Variants in PPP1R36 observed in about 807,000 individuals in gnomAD.
The protein encoded by PPP1R36 is protein phosphatase 1 regulatory subunit 36.
Under a neutral mutation model 53.4 loss-of-function variants are expected in PPP1R36, and 47 were observed. The observed-to-expected ratio is 0.88, with a 90% CI of 0.70 to 1.12. PPP1R36 has a LOEUF of 1.12. PPP1R36 is among the 50% of genes most tolerant of loss of function. PPP1R36 has a pLI of 0.00. For synonymous variants in PPP1R36, 153 were observed against 170.5 expected (o/e 0.90, Z 0.80); for missense variants, 456 against 513.9 (o/e 0.89, Z 1.09).
At chr14:64,560,199 G>C (rs1486721373) in intron 3 of PPP1R36, among the ~76,000 whole-genome samples, 1 of 150,068 alleles carries the variant, frequency 6.7e-6, no homozygotes, top group Non-Finnish European at 1.5e-5. Flanking sequence ...CCAGCGCTTT[G>C]GGAGACTGAG....
chr14:64,556,855 C>T (rs946441224), intron 3 of PPP1R36, among the ~76,000 whole-genome samples: 7 of 151,562 alleles, frequency 4.6e-5, no homozygotes, highest in African/African-American at 1.5e-4. Flanking sequence ...CACTTTGTCA[C>T]CTAGGCTGGA....
chr14:64,562,800 G>T (rs1433461375), intron 3 of PPP1R36, among the ~76,000 whole-genome samples: 1 of 151,982 alleles, frequency 6.6e-6, no homozygotes, highest in Non-Finnish European at 1.5e-5. Flanking sequence ...TATACTAGAT[G>T]ATATTTTTTT....
intron 3 of PPP1R36, 28 bp downstream of exon 3, chr14:64,552,889 C>G: frequency 6.3e-7 from 1 of 1,591,138 alleles, no homozygotes; most frequent in Non-Finnish European, 8.6e-7. Context: ...AGTGAGATAG[C>G]TTTGGGATTA....
At chr14:64,575,006 G>A (rs1157052017) in intron 8 of PPP1R36, among the ~76,000 whole-genome samples, 1 of 152,180 alleles carries the variant, frequency 6.6e-6, no homozygotes, top group African/African-American at 2.4e-5. Flanking sequence ...AGGAGCTGCT[G>A]AGGTGTGGAT....
chr14:64,568,334 C>G lies in PPP1R36; in HGVS notation c.435-15C>G, dbSNP rs1191169958. On this transcript the variant is annotated splice_polypyrimidine_tract_variant and intron_variant, in intron 6 of 11. Transcript: ENST00000298705. ...AGCATTGACTCTTTTTTTGTTGTTT[C>G]AAATCTCCCCATAGGAATAAGAATC... The G allele has an allele frequency of 8.2e-7, 1 of 1,219,982 alleles. No individual in the cohort carries two copies. Among genetic ancestry groups the G allele is most frequent in the Non-Finnish European group, 1.2e-6 (1 of 863,930 alleles). 75.6% of individuals were successfully genotyped at this position (1,219,982 alleles called of 1,614,324 possible).
chr14:64,557,137 T>A (rs1446664297), intron 3 of PPP1R36, among the ~76,000 whole-genome samples: 2 of 152,188 alleles, frequency 1.3e-5, no homozygotes, highest in Non-Finnish European at 2.9e-5. Flanking sequence ...TGGCCCATTA[T>A]AACTTTTTAT....
At chr14:64,550,089 C>T (rs1472471985) in intron 1 of PPP1R36, 23 bp downstream of exon 1, 2 of 1,549,892 alleles carry the variant, frequency 1.3e-6, no homozygotes, top group Admixed American at 2.0e-5. Flanking sequence ...TTGGTCGCCC[C>T]CATACCCGGG....
At chr14:64,588,583 G>A (rs993003446) in intron 11 of PPP1R36, 2 of 265,604 alleles carry the variant, frequency 7.5e-6, no homozygotes, top group African/African-American at 5.1e-5. Flanking sequence ...TTTTTGAGAC[G>A]GAGTCCCTCT....
In PPP1R36 at chr14:64,568,390, A is replaced by G. The variant is rs142504183; in HGVS notation, c.476A>G (p.Tyr159Cys). The change falls in exon 7 of 12, where the codon TAC becomes TGC. Residue 159 changes from tyrosine to cysteine, a missense_variant. Tyr to Cys is a radical substitution (Grantham distance 194). Transcript: ENST00000298705. ...LDNFLMALLY[Y>C]LSHYLEKNSL... ...AATTTCCTCATGGCATTATTGTACTACTTATCCCATTACTTGGAAAAAAAC... is the reference window on the plus strand; with the variant it reads ...AATTTCCTCATGGCATTATTGTACTGCTTATCCCATTACTTGGAAAAAAAC... 5.7e-6 allele frequency: 9 copies of G among 1,569,560 alleles called. No homozygotes were observed. Among genetic ancestry groups the G allele is most frequent in the Non-Finnish European group, 7.8e-6 (9 of 1,151,882 alleles).
chr14:64,556,601 ATT>A (rs753994540), intron 3 of PPP1R36, among the ~76,000 whole-genome samples: 105 of 122,844 alleles, frequency 8.5e-4, no homozygotes, highest in East Asian at 2.5e-3. Flanking sequence ...TGTTCCCACA[ATT>A]TTTTTTTTTT....
At chr14:64,578,348 CCAGTGTTTTT>C (rs1384076162) in intron 8 of PPP1R36, among the ~76,000 whole-genome samples, 1 of 152,172 alleles carries the variant, frequency 6.6e-6, no homozygotes, top group Non-Finnish European at 1.5e-5. Flanking sequence ...CGCTCCTAAA[CCAGTGTTTTT>C]CAGAGTACAA....
At chr14:64,587,126 A>G in intron 9 of PPP1R36, 68 bp from the exon 10 acceptor site, 1 of 1,260,346 alleles carries the variant, frequency 7.9e-7, no homozygotes. Flanking sequence ...TAGCTGTGTT[A>G]TACAGACAGG....
intron 4 of PPP1R36, 112 bp downstream of exon 4, chr14:64,564,949 G>A (rs965951061): frequency 1.6e-5 from 11 of 689,702 alleles, no homozygotes; most frequent in South Asian, 5.6e-5. Context: ...GTCGCAATGC[G>A]AATACCCATC....
rs758470693 is a variant in PPP1R36, at chr14:64,568,432, C to A, written c.518C>A (p.Pro173His). 3.9e-6 allele frequency: 6 copies of A among 1,522,386 alleles called. No homozygotes were observed. In the African/African-American group the frequency reaches 6.9e-5, roughly 18 times the overall value. 94.3% of individuals were successfully genotyped at this position (1,522,386 alleles called of 1,614,324 possible). Residue 173 changes from proline (P) to histidine (H), a missense_variant, in exon 7 of 12, where the codon CCC becomes CAC. By Grantham distance (77) the Pro-to-His change is moderately conservative. Transcript: ENST00000298705. ...GAAAAAAACTCACTGGAAAAGAAACCCAAAAGCTATATGGTGTAAGTAAGA... is the reference window on the plus strand; with the variant it reads ...GAAAAAAACTCACTGGAAAAGAAACACAAAAGCTATATGGTGTAAGTAAGA... ...YLEKNSLEKK[P>H]KSYMVGLVEK...
chr14:64,588,102 A>T lies in PPP1R36; in HGVS notation c.891-2A>T. 6.3e-7 allele frequency: 1 copy of T among 1,594,538 alleles called. No homozygotes were observed. The highest frequency in any genetic ancestry group is 8.6e-7 in the Non-Finnish European group (1 of 1,168,128). On this transcript the variant is annotated splice_acceptor_variant, in intron 10 of 11. Coordinates refer to ENST00000298705, the MANE Select transcript of PPP1R36 (RefSeq NM_172365.3). LOFTEE classifies it high-confidence loss of function. ...CCTAAATGTCACCTTCCTCCCCGACAGGAGAATGATGGCAAAACGCCCAGC... is the reference window on the plus strand; with the variant it reads ...CCTAAATGTCACCTTCCTCCCCGACTGGAGAATGATGGCAAAACGCCCAGC...
intron 1 of PPP1R36, among the ~76,000 whole-genome samples, chr14:64,550,474 CG>C (rs1294737076): frequency 6.6e-6 from 1 of 152,202 alleles, no homozygotes; most frequent in Non-Finnish European, 1.5e-5. Flanking sequence ...TGTTGGAGCC[CG>C]GAAGTCTCCA....
chr14:64,567,201 G>T (rs1447357363), intron 6 of PPP1R36, among the ~76,000 whole-genome samples: 1 of 152,180 alleles, frequency 6.6e-6, no homozygotes, highest in Non-Finnish European at 1.5e-5. Context: ...ATTTCCATCT[G>T]GGGCCACAAA....
intron 3 of PPP1R36, among the ~76,000 whole-genome samples, chr14:64,560,103 CAAAAAA>C (rs1171697200): frequency 4.0e-4 from 11 of 27,476 alleles, no homozygotes; most frequent in African/African-American, 1.2e-3. Flanking sequence ...GAATCTGTCA[CAAAAAA>C]AAAAAAAAAA....
chr14:64,553,737 T>C (rs2080116888), intron 3 of PPP1R36, among the ~76,000 whole-genome samples: 1 of 150,566 alleles, frequency 6.6e-6, no homozygotes, highest in African/African-American at 2.4e-5. Flanking sequence ...ATCTGGGTGG[T>C]AGCTTTATGT....
Sources: gnomAD v4.1 joint callset for allele counts (sites outside exome capture counted in the v4.1 genomes callset) on GRCh38, gnomAD v4.1.1 for gene constraint, MANE v1.5 for transcripts, NCBI Gene and HGNC (gene_info 2026-07-23, HGNC 2026-07-21) for gene names.